ELMO1: variants seen among roughly 807,000 people sequenced by gnomAD.
ELMO1 encodes engulfment and cell motility 1.
A neutral mutation model predicts 98.9 loss-of-function variants in ELMO1; 26 were observed. The ratio of observed to expected loss-of-function variants is 0.26; its 90% CI spans 0.19 to 0.36. The LOEUF is 0.36. Among genes scored for constraint, ELMO1 ranks in the 10% least tolerant of loss-of-function variants. The pLI, the probability that ELMO1 is intolerant of heterozygous loss-of-function variation, is 1.00. For missense variants in ELMO1, 627 were observed against 935.2 expected (o/e 0.67, Z 4.30); for synonymous variants, 346 against 346.0 (o/e 1.00, Z 0.00).
chr7:37,214,305 G>C (rs574577001), intron 11 of ELMO1, among the ~76,000 whole-genome samples: 1 of 152,196 alleles, frequency 6.6e-6, no homozygotes, highest in Non-Finnish European at 1.5e-5. Context: ...TTTCAACTGT[G>C]CTAGCCCCAC....
chr7:37,138,740 T>C (rs555714134), intron 13 of ELMO1, among the ~76,000 whole-genome samples: 15 of 152,248 alleles, frequency 9.9e-5, no homozygotes, highest in Admixed American at 3.9e-4. Context: ...AGTATCATCT[T>C]AATACCAAAA....
At chr7:36,947,806 A>T (rs903820602) in intron 16 of ELMO1, among the ~76,000 whole-genome samples, 6 of 152,064 alleles carry the variant, frequency 3.9e-5, no homozygotes, top group African/African-American at 1.4e-4. Context: ...CCTCCACCCA[A>T]GAGGCCACTC....
At chr7:37,107,587 C>A (rs978404435) in intron 14 of ELMO1, among the ~76,000 whole-genome samples, 3 of 152,140 alleles carry the variant, frequency 2.0e-5, no homozygotes, top group African/African-American at 7.2e-5. Context: ...AATACAAATG[C>A]CTCACATCTC....
chr7:36,882,618 C>A (rs1479668977), intron 18 of ELMO1, among the ~76,000 whole-genome samples: 1 of 152,228 alleles, frequency 6.6e-6, no homozygotes, highest in Non-Finnish European at 1.5e-5. Flanking sequence ...GCCTTGAAGT[C>A]ACACATAGCT....
chr7:37,351,771 C>T (rs1216287783), intron 1 of ELMO1, among the ~76,000 whole-genome samples: 1 of 152,178 alleles, frequency 6.6e-6, no homozygotes, highest in Admixed American at 6.5e-5. Context: ...CATTAAATGA[C>T]TGGAAGGCAA....
intron 2 of ELMO1, among the ~76,000 whole-genome samples, chr7:37,325,658 C>A (rs1212228169): frequency 6.6e-6 from 1 of 152,150 alleles, no homozygotes; most frequent in Non-Finnish European, 1.5e-5. Context: ...TATTCTAACA[C>A]TTTGAGGTGG....
chr7:36,943,742 G>C (rs192712513), intron 16 of ELMO1, among the ~76,000 whole-genome samples: 33 of 152,284 alleles, frequency 2.2e-4, no homozygotes, highest in African/African-American at 7.5e-4. Context: ...TTGCACTTTT[G>C]TTTTCAATTG....
At chr7:37,016,461 C>T (rs957158218) in intron 15 of ELMO1, among the ~76,000 whole-genome samples, 1 of 152,102 alleles carries the variant, frequency 6.6e-6, no homozygotes, top group Non-Finnish European at 1.5e-5. Flanking sequence ...TCAGCTGACC[C>T]AGCAGCAGGC....
chr7:37,152,577 G>A (rs1426184801), intron 13 of ELMO1, among the ~76,000 whole-genome samples: 1 of 152,168 alleles, frequency 6.6e-6, no homozygotes, highest in African/African-American at 2.4e-5. Flanking sequence ...GTGGATGAGT[G>A]TGTACGTGCA....
chr7:37,113,142 AG>A (rs1785353291), intron 14 of ELMO1, among the ~76,000 whole-genome samples: 3 of 152,256 alleles, frequency 2.0e-5, no homozygotes, highest in African/African-American at 7.2e-5. Flanking sequence ...AGCGTGTTCC[AG>A]ATAGAGATCT....
intron 4 of ELMO1, among the ~76,000 whole-genome samples, chr7:37,272,324 A>G (rs1796604964): frequency 6.6e-6 from 1 of 152,254 alleles, no homozygotes; most frequent in African/African-American, 2.4e-5. Context: ...TGATAAATGG[A>G]TAAGCAAAAT....
chr7:37,037,525 G>A (rs1044749775), intron 15 of ELMO1, among the ~76,000 whole-genome samples: 1 of 152,178 alleles, frequency 6.6e-6, no homozygotes, highest in Non-Finnish European at 1.5e-5. Context: ...GCCAGGAATC[G>A]GGCCATCGGA....
rs887547550 is a variant in ELMO1, at chr7:37,174,482, G to T, written c.1086+36904C>A. Among the ~76,000 whole-genome samples, 4 of 152,260 alleles carry T rather than the reference G, an allele frequency of 2.6e-5. No homozygotes were observed. The East Asian group carries it at 7.7e-4, about 29-fold the overall frequency. On this transcript the variant is annotated intron_variant, in intron 13 of 21. Coordinates refer to ENST00000310758, the MANE Select transcript of ELMO1 (RefSeq NM_014800.11). The stretch of plus-strand genomic sequence containing the variant: ...TGCCTAAAGAGGAAAGGGTCAGTTT[G>T]CCCCTGGGCTCCTGGACACATCAGC...
Position 36,914,300 on chromosome 7 carries a change from T to C in ELMO1, c.1438-19283A>G, listed in dbSNP as rs1562819704. ...TATTGTTTGTAGCTAAAGAAATAAA[T>C]TACTTGTATGTGTTAGGGCTAGGTG... On this transcript the variant is annotated intron_variant, in intron 16 of 21. Coordinates refer to ENST00000310758, the MANE Select transcript of ELMO1 (RefSeq NM_014800.11). Among the ~76,000 whole-genome samples the C allele has an allele frequency of 2.6e-5, 4 of 152,216 alleles. No homozygotes were observed. The South Asian group carries it at 8.3e-4, about 31-fold the overall frequency.
At chr7:37,425,868 TAGGCAG>T (rs1161198250) in intron 1 of ELMO1, among the ~76,000 whole-genome samples, 3 of 152,350 alleles carry the variant, frequency 2.0e-5, no homozygotes, top group Middle Eastern at 3.4e-3. Context: ...GGGGATGTCC[TAGGCAG>T]AGTCCCCCAC....
At chr7:37,389,054 T>C (rs1422774426) in intron 1 of ELMO1, among the ~76,000 whole-genome samples, 1 of 152,224 alleles carries the variant, frequency 6.6e-6, no homozygotes, top group East Asian at 1.9e-4. Context: ...ATTTTTCCGG[T>C]TTCCTCCTTT....
intron 1 of ELMO1, among the ~76,000 whole-genome samples, chr7:37,364,398 T>C (rs1443346137): frequency 6.6e-6 from 1 of 152,256 alleles, no homozygotes; most frequent in Non-Finnish European, 1.5e-5. Context: ...AACATATTTA[T>C]TCTTAAACTA....
At chr7:37,410,497 G>A (rs901678865) in intron 1 of ELMO1, among the ~76,000 whole-genome samples, 1 of 152,166 alleles carries the variant, frequency 6.6e-6, no homozygotes, top group South Asian at 2.1e-4. Context: ...CAGAGGGCCA[G>A]ATGCCTCAGT....
chr7:37,244,417 G>A (rs753549480), intron 6 of ELMO1, 26 bp from the exon 7 acceptor site: 6 of 1,610,536 alleles, frequency 3.7e-6, no homozygotes, highest in Non-Finnish European at 4.2e-6. Context: ...ACAACCATGT[G>A]AGGAGCATAC....
Sources: gnomAD v4.1 joint callset for allele counts (sites outside exome capture counted in the v4.1 genomes callset) on GRCh38, gnomAD v4.1.1 for gene constraint, MANE v1.5 for transcripts, NCBI Gene and HGNC (gene_info 2026-07-23, HGNC 2026-07-21) for gene names.